The following RORA variants were observed in gnomAD, a reference collection of about 807,000 sequenced individuals.
The protein encoded by RORA is RAR related orphan receptor A.
Under a neutral mutation model 69.5 loss-of-function variants are expected in RORA, and 7 were observed. The observed-to-expected ratio is 0.10, with a 90% CI of 0.06 to 0.19. The LOEUF (loss-of-function observed/expected upper bound fraction) is 0.19. Ranked by LOEUF, RORA falls within the 10% of genes least tolerant of loss-of-function variation. The probability of loss-of-function intolerance (pLI) is 1.00; values close to 1 mark genes in which losing one functional copy is unlikely to be tolerated. For synonymous variants in RORA, 261 were observed against 240.8 expected (o/e 1.08, Z -0.78); for missense variants, 457 against 663.0 (o/e 0.69, Z 3.41).
At chr15:60,866,686 A>G (rs976825992) in intron 1 of RORA, among the ~76,000 whole-genome samples, 2 of 152,126 alleles carry the variant, frequency 1.3e-5, no homozygotes, top group Non-Finnish European at 2.9e-5. Flanking sequence ...CTGCCATAAA[A>G]CCCAAAAGGA....
intron 3 of RORA, among the ~76,000 whole-genome samples, chr15:60,516,764 A>G (rs1438317394): frequency 1.3e-5 from 2 of 152,204 alleles, no homozygotes; most frequent in Non-Finnish European, 2.9e-5. Context: ...ATTTTCCTAC[A>G]AGGGTGTTCT....
intron 2 of RORA, among the ~76,000 whole-genome samples, chr15:60,548,873 C>A (rs2067151883): frequency 6.6e-6 from 1 of 152,212 alleles, no homozygotes; most frequent in Non-Finnish European, 1.5e-5. Context: ...GATCCGCCCG[C>A]CTTGGCCTCC....
intron 2 of RORA, among the ~76,000 whole-genome samples, chr15:60,551,973 T>C (rs528674066): frequency 6.6e-6 from 1 of 152,316 alleles, no homozygotes; most frequent in South Asian, 2.1e-4. Flanking sequence ...GCCGAGGCTC[T>C]TTTATCAGTG....
At chr15:60,575,341 C>A (rs572326487) in intron 2 of RORA, among the ~76,000 whole-genome samples, 3 of 152,170 alleles carry the variant, frequency 2.0e-5, no homozygotes, top group Non-Finnish European at 4.4e-5. Flanking sequence ...CTTCATGATA[C>A]GGAGTTACAG....
In RORA at chr15:60,531,007, G is replaced by T. The variant is rs1274533439; in HGVS notation, c.282+759C>A. 6.6e-6 allele frequency: 1 copy of T among 152,116 alleles called. No homozygotes were observed. The highest frequency in any genetic ancestry group is 2.4e-5 in the African/African-American group (1 of 41,410). 9.4% of individuals were successfully genotyped at this position (152,116 alleles called of 1,614,324 possible). ...TGGGCTTGGGGGGTCTTGAATTATT[G>T]GGATAAACATCTCTGTTTCTCATCT... On this transcript the variant is annotated intron_variant, in intron 3 of 10. Coordinates refer to ENST00000335670, the MANE Select transcript of RORA (RefSeq NM_134261.3). This position sits in a 1 kb window ranked among gnomAD's most constrained non-coding sequence, Gnocchi z 4.8.
intron 2 of RORA, chr15:60,592,450 G>A: frequency 7.1e-7 from 1 of 1,408,160 alleles, no homozygotes; most frequent in Non-Finnish European, 9.3e-7. Flanking sequence ...CAGGGAGAGC[G>A]GATGGTCCGA....
chr15:60,751,549 T>A (rs1489684373), intron 1 of RORA, among the ~76,000 whole-genome samples: 1 of 152,158 alleles, frequency 6.6e-6, no homozygotes, highest in Non-Finnish European at 1.5e-5. Flanking sequence ...ACAAATGATG[T>A]TGAGGTGTAA....
At position 61,049,493 on chromosome 15, in the gene RORA, A is replaced by G. The variant is rs140859224; in HGVS notation, c.166+179560T>C. Among the ~76,000 whole-genome samples the G allele has an allele frequency of 1.2e-3, 180 of 152,236 alleles. 1 individual carries two copies. Among genetic ancestry groups the G allele is most frequent in the Admixed American group, 2.4e-3 (37 of 15,286 alleles). ...CTACCATAAAAAATACAGTAGGTGG[A>G]CTTTTGTGAGTCAACATAAAAAAAT... On this transcript the variant is annotated intron_variant, in intron 1 of 10. Coordinates refer to ENST00000335670, the MANE Select transcript of RORA (RefSeq NM_134261.3).
At chr15:60,808,904 A>T (rs2072701021) in intron 1 of RORA, among the ~76,000 whole-genome samples, 1 of 152,140 alleles carries the variant, frequency 6.6e-6, no homozygotes, top group South Asian at 2.1e-4. Context: ...TATCATTCTA[A>T]GTGAAGTAAC....
chr15:60,912,747 C>T (rs1384267784), intron 1 of RORA, among the ~76,000 whole-genome samples: 2 of 117,356 alleles, frequency 1.7e-5, no homozygotes, highest in African/African-American at 6.9e-5. Context: ...GAGCAAGACT[C>T]CATCTCAAAA....
intron 1 of RORA, among the ~76,000 whole-genome samples, chr15:60,915,896 A>G (rs1293412783): frequency 6.6e-6 from 1 of 152,252 alleles, no homozygotes; most frequent in Non-Finnish European, 1.5e-5. Context: ...TGCTGGGAAG[A>G]TTAAATGAGA....
At chr15:60,728,411 C>T (rs1157018444) in intron 1 of RORA, among the ~76,000 whole-genome samples, 1 of 152,096 alleles carries the variant, frequency 6.6e-6, no homozygotes, top group African/African-American at 2.4e-5. Context: ...TGTGTAGGGA[C>T]TAGGTTGCTC....
At chr15:60,862,503 T>C (rs1457841833) in intron 1 of RORA, among the ~76,000 whole-genome samples, 1 of 152,192 alleles carries the variant, frequency 6.6e-6, no homozygotes, top group Non-Finnish European at 1.5e-5. Context: ...AAGGCACTGA[T>C]GGAGGGCACT....
chr15:60,944,320 C>A (rs1023129677), intron 1 of RORA, among the ~76,000 whole-genome samples: 4 of 152,150 alleles, frequency 2.6e-5, no homozygotes, highest in Admixed American at 2.0e-4. Context: ...CTGGTCTAGA[C>A]CCAGTTGGCC....
At chr15:60,849,558 G>A (rs1430332417) in intron 1 of RORA, among the ~76,000 whole-genome samples, 2 of 152,150 alleles carry the variant, frequency 1.3e-5, no homozygotes, top group East Asian at 3.8e-4. Flanking sequence ...CATAAAACAT[G>A]GCCAAAGTAT....
intron 2 of RORA, among the ~76,000 whole-genome samples, chr15:60,607,525 G>C (rs180977978): frequency 2.0e-5 from 3 of 152,230 alleles, no homozygotes; most frequent in East Asian, 1.9e-4. Context: ...AGGTGTTCTT[G>C]TTTCAGTAAG....
chr15:60,610,687 A>C (rs2069064601), intron 2 of RORA, among the ~76,000 whole-genome samples: 1 of 152,144 alleles, frequency 6.6e-6, no homozygotes, highest in Admixed American at 6.5e-5. Flanking sequence ...GTAGGCAGTG[A>C]TAGAAACAGC....
chr15:61,104,497 G>A (rs1317357743), intron 1 of RORA, among the ~76,000 whole-genome samples: 1 of 152,108 alleles, frequency 6.6e-6, no homozygotes, highest in Admixed American at 6.6e-5. Context: ...TATCTTCACT[G>A]CTCTGCTCAC....
At chr15:60,521,991 T>C (rs2066183311) in intron 3 of RORA, among the ~76,000 whole-genome samples, 1 of 152,232 alleles carries the variant, frequency 6.6e-6, no homozygotes, top group African/African-American at 2.4e-5. Flanking sequence ...CTGTATACTA[T>C]GAATTTTTCA....
Sources: gnomAD v4.1 joint callset for allele counts (sites outside exome capture counted in the v4.1 genomes callset) on GRCh38, gnomAD v4.1.1 for gene constraint, Gnocchi (gnomAD v3.1) non-coding constraint, MANE v1.5 for transcripts, NCBI Gene and HGNC (gene_info 2026-07-23, HGNC 2026-07-21) for gene names.